The following MUC6 variants were observed in gnomAD, a reference collection of about 807,000 sequenced individuals.
MUC6 encodes mucin 6, oligomeric mucus/gel-forming (gene/pseudogene).
MUC6 carries 188 observed loss-of-function variants against 201.5 expected under a neutral mutation model. The observed-to-expected ratio is 0.93, with a 90% confidence interval of 0.83 to 1.05. The LOEUF (loss-of-function observed/expected upper bound fraction) is 1.05, where lower values mean the gene tolerates loss of function less well. Among genes scored for constraint, MUC6 ranks in the 50% least tolerant of loss-of-function variants. The probability of loss-of-function intolerance (pLI) is 0.00; values close to 1 mark genes in which losing one functional copy is unlikely to be tolerated. For synonymous variants in MUC6, 1,228 were observed against 1,389.4 expected (o/e 0.88, Z 2.58); for missense variants, 2,706 against 3,256.9 (o/e 0.83, Z 4.12).
intron 2 of MUC6, among the ~76,000 whole-genome samples, chr11:1,032,511 GTA>G (rs982624722): frequency 2.8e-4 from 43 of 151,630 alleles, no homozygotes; most frequent in African/African-American, 4.9e-4. Context: ...TTCGGGGTGT[GTA>G]TGTGTGTGTT....
intron 2 of MUC6, among the ~76,000 whole-genome samples, chr11:1,032,769 G>GGT (rs780268592): frequency 2.0e-5 from 3 of 150,136 alleles, no homozygotes; most frequent in Non-Finnish European, 3.0e-5. Context: ...TAGAGTGTTG[G>GGT]GTGTGTGTGT....
chr11:1,024,951 C>T lies in MUC6; in HGVS notation c.3118G>A (p.Val1040Met), dbSNP rs573979427. 8.1e-6 allele frequency: 13 copies of T among 1,613,064 alleles called. No individual in the cohort carries two copies. In the East Asian group the frequency reaches 8.9e-5, roughly 11 times the overall value. Residue 1040 changes from valine (V) to methionine (M), a missense_variant, in exon 24 of 33, where the codon GTG (valine) becomes ATG (methionine). By Grantham distance (21) the Val-to-Met change is conservative. Around this residue, in one of 10 missense-constraint regions of MUC6, gnomAD observed 1,850 missense variants for 1,958.3 expected, o/e 0.94. Coordinates refer to ENST00000421673, the MANE Select transcript of MUC6 (RefSeq NM_005961.3). ...CTGCAGGGGTCTGTCACGAAGCTCA[C>T]GTCCCCGCACAGCGGGCTCTCCTTC... ...SWKESPLCGDVSFVTDPCSLN... is the reference protein window; with the variant it reads ...SWKESPLCGDMSFVTDPCSLN...
intron 7 of MUC6, 113 bp downstream of exon 7, chr11:1,030,460 G>A (rs1258182316): frequency 1.2e-5 from 17 of 1,424,220 alleles, no homozygotes; most frequent in Non-Finnish European, 1.5e-5. Context: ...AGGATCTCCT[G>A]TCTCTCAGAC....
In MUC6 at chr11:1,029,298, C is replaced by T. The variant is rs779601317; in HGVS notation, c.1205G>A (p.Gly402Asp). ...PCPGHCSLEG[G>D]SFVTTFDARP... ...GGCGTCAAATGTGGTAACAAAGGAG[C>T]CACCTTCCAGGGAGCAGTGTCCGGG... The change falls in exon 10 of 33, where the codon GGC (glycine) becomes GAC (aspartate). Residue 402 changes from glycine (G) to aspartate (D), a missense_variant. Physicochemically the swap from Gly to Asp is moderately conservative, Grantham distance 94. Around this residue, in one of 10 missense-constraint regions of MUC6, gnomAD observed 1,850 missense variants for 1,958.3 expected, o/e 0.94. Transcript: ENST00000421673. The T allele has an allele frequency of 5.6e-6, 9 of 1,606,366 alleles. No homozygotes were observed. The highest frequency in any genetic ancestry group is 7.6e-6 in the Non-Finnish European group (9 of 1,177,416).
intron 8 of MUC6, 64 bp from the exon 9 acceptor site, chr11:1,029,679 G>A: frequency 6.7e-7 from 1 of 1,496,834 alleles, no homozygotes; most frequent in Non-Finnish European, 8.9e-7. Flanking sequence ...CCCCTCCCTG[G>A]CTCCAGGGAG....
intron 1 of MUC6, among the ~76,000 whole-genome samples, chr11:1,035,666 G>A (rs999956026): frequency 1.3e-5 from 2 of 152,038 alleles, no homozygotes; most frequent in Non-Finnish European, 2.9e-5. Context: ...GGCTTGGGTC[G>A]CCCTACAGTG....
chr11:1,027,421 TGGTGGCACTC>T lies in MUC6; in HGVS notation c.2068_2077del (p.Glu690ThrfsTer17), dbSNP rs1453350833. The T allele has an allele frequency of 6.2e-7, 1 of 1,612,760 alleles. No homozygotes were observed. Among genetic ancestry groups the T allele is most frequent in the Admixed American group, 1.7e-5 (1 of 60,026 alleles). On this transcript the variant is annotated frameshift_variant, in exon 17 of 33. Coordinates refer to ENST00000421673, the MANE Select transcript of MUC6 (RefSeq NM_005961.3). LOFTEE classifies it high-confidence loss of function. ...GCAACCGTCCACGGGCACGGCGCTG[TGGTGGCACTC>T]GGTGGCACGGTCCGACAGCGACAGG...
chr11:1,018,143 C>A lies in MUC6; in HGVS notation c.4658G>T (p.Arg1553Leu). ...TTITPNPTSTRTRTPVAHTNS... is the reference protein window; with the variant it reads ...TTITPNPTSTLTRTPVAHTNS... ...GGTGTGGGCCACAGGGGTTCTGGTG[C>A]GTGTACTAGTGGGGTTGGGAGTAAT... Residue 1553 changes from arginine to leucine, a missense_variant, in exon 31 of 33, where the codon CGC becomes CTC. Physicochemically the swap from Arg to Leu is moderately radical, Grantham distance 102. This residue lies in a region of MUC6 where 128 missense variants were observed against 206.5 expected (regional missense o/e 0.62). Transcript: ENST00000421673. 6.5e-7 allele frequency: 1 copy of A among 1,536,754 alleles called. No homozygotes were observed. The highest frequency in any genetic ancestry group is 1.2e-5 in the South Asian group (1 of 85,514).
Position 1,029,757 on chromosome 11 carries a change from G to A in MUC6, c.1016-142C>T, listed in dbSNP as rs1034925330. 4 of 1,201,168 alleles carry A rather than the reference G, an allele frequency of 3.3e-6. No individual in the cohort carries two copies. The African/African-American group carries it at 6.4e-5, about 19-fold the overall frequency. 74.4% of individuals were successfully genotyped at this position (1,201,168 alleles called of 1,614,324 possible). On this transcript the variant is annotated intron_variant, in intron 8 of 32. Transcript: ENST00000421673. ...CTGGCTCCAGGGAGACGCCCCTCCA[G>A]CCTGGCTCCAGGGAGACGCCCCCTC...
At chr11:1,030,550 C>T in intron 7 of MUC6, 23 bp downstream of exon 7, 1 of 1,475,350 alleles carries the variant, frequency 6.8e-7, no homozygotes, top group Non-Finnish European at 9.0e-7. Flanking sequence ...TCCTGCCCCT[C>T]CCTCTCCCTT....
chr11:1,021,260 G>C lies in MUC6; in HGVS notation c.3544C>G (p.Gln1182Glu). ...SNIEGCYNCSQDEYFDHEEGV... is the reference protein window; with the variant it reads ...SNIEGCYNCSEDEYFDHEEGV... ...TCCTCGTGGTCGAAGTACTCATCCT[G>C]GGAGCAGTTGTAGCAGCCTAGGGTG... Residue 1182 changes from glutamine to glutamate, a missense_variant, in exon 27 of 33, where the codon CAG becomes GAG. Coordinates refer to ENST00000421673, the MANE Select transcript of MUC6 (RefSeq NM_005961.3). 3 of 1,586,940 alleles carry C rather than the reference G, an allele frequency of 1.9e-6. No individual in the cohort carries two copies. The South Asian group carries it at 3.4e-5, about 18-fold the overall frequency.
intron 27 of MUC6, 126 bp from the exon 28 acceptor site, chr11:1,020,860 C>T: frequency 4.0e-6 from 5 of 1,243,176 alleles, no homozygotes; most frequent in Non-Finnish European, 4.5e-6. Flanking sequence ...ACTGGAGGGG[C>T]TGGGAGCCCA....
At chr11:1,029,468 C>A (rs748525718) in intron 9 of MUC6, 27 bp downstream of exon 9, 1 of 1,610,492 alleles carries the variant, frequency 6.2e-7, no homozygotes, top group African/African-American at 1.3e-5. Flanking sequence ...GCCGGCCGGC[C>A]AGAGCCCCCT....
intron 29 of MUC6, chr11:1,019,863 G>T: frequency 1.4e-6 from 1 of 703,568 alleles, no homozygotes; most frequent in Non-Finnish European, 2.5e-6. Context: ...GGTTTCTAGT[G>T]ACAGCAGCCA....
chr11:1,018,384 A>G lies in MUC6; in HGVS notation c.4417T>C (p.Ser1473Pro), dbSNP rs1177300231. Residue 1473 changes from serine (S) to proline (P), a missense_variant, in exon 31 of 33, where the codon TCT becomes CCT. Around this residue, in one of 10 missense-constraint regions of MUC6, gnomAD observed 128 missense variants for 206.5 expected, o/e 0.62. Coordinates refer to ENST00000421673, the MANE Select transcript of MUC6 (RefSeq NM_005961.3). ...ITPTHAQMAT[S>P]ASNHSAPTGT... is the part of the protein sequence containing the mutation. ...GTTGGCGCTGAGTGGTTGGAGGCAG[A>G]TGTGGCCATCTGTGCGTGGGTAGGG... 1 of 1,613,814 alleles carries G rather than the reference A, an allele frequency of 6.2e-7. No individual in the cohort carries two copies. The highest frequency in any genetic ancestry group is 8.5e-7 in the Non-Finnish European group (1 of 1,179,776).
Position 1,019,356 on chromosome 11 carries a change from T to G in MUC6, c.3949A>C (p.Thr1317Pro). The G allele has an allele frequency of 6.2e-7, 1 of 1,613,832 alleles. No homozygotes were observed. The highest frequency in any genetic ancestry group is 8.5e-7 in the Non-Finnish European group (1 of 1,179,752). ...GTTGTGGACTGAGCTGTGGACGTCG[T>G]GGCTGGGCTGGCGGTCGACGCCGTG... Reference protein sequence around the residue: ...RATASTASPATTSTAQSTTRT... With the variant: ...RATASTASPAPTSTAQSTTRT... Residue 1317 changes from threonine (T) to proline (P), a missense_variant, in exon 30 of 33, where the codon ACG (threonine) becomes CCG (proline). Coordinates refer to ENST00000421673, the MANE Select transcript of MUC6 (RefSeq NM_005961.3).
chr11:1,027,943 C>T (rs1443131946), intron 15 of MUC6, 22 bp downstream of exon 15: 2 of 1,564,290 alleles, frequency 1.3e-6, no homozygotes, highest in Admixed American at 3.8e-5. Context: ...GCAGCCCTCC[C>T]AAGACGCCCT....
At position 1,020,695 on chromosome 11, in the gene MUC6, A is replaced by AGCTGCGGCGTGGTGGGTG. The variant is rs750579282; in HGVS notation, c.3611_3628dup (p.Pro1204_Gln1209dup). 59 of 1,613,396 alleles carry AGCTGCGGCGTGGTGGGTG rather than the reference A, an allele frequency of 3.7e-5. No homozygotes were observed. Among genetic ancestry groups the AGCTGCGGCGTGGTGGGTG allele is most frequent in the Middle Eastern group, 1.6e-4 (1 of 6,082 alleles). The stretch of plus-strand genomic sequence containing the variant: ...GTGCGTGCAATTACCTGTGGTGGGC[A>AGCTGCGGCGTGGTGGGTG]GCTGCGGCGTGGTGGGTGGCTGCGG... On this transcript the variant is annotated inframe_insertion, in exon 28 of 33. Transcript: ENST00000421673.
Position 1,021,205 on chromosome 11 carries a change from C to G in MUC6, c.3589+10G>C. The G allele has an allele frequency of 6.4e-7, 1 of 1,572,136 alleles. No homozygotes were observed. Among genetic ancestry groups the G allele is most frequent in the African/African-American group, 1.4e-5 (1 of 72,530 alleles). Reference sequence around the variant, plus strand: ...GGGGCAGGGTTCTCAGGGCAGCCGACTGGACTTACTGCAGGGCACGCACAC... The same window carrying G: ...GGGGCAGGGTTCTCAGGGCAGCCGAGTGGACTTACTGCAGGGCACGCACAC... On this transcript the variant is annotated intron_variant, in intron 27 of 32. Coordinates refer to ENST00000421673, the MANE Select transcript of MUC6 (RefSeq NM_005961.3).
Sources: gnomAD v4.1 joint callset for allele counts (sites outside exome capture counted in the v4.1 genomes callset) on GRCh38, gnomAD v4.1.1 for gene constraint, gnomAD v4.1.1 regional missense constraint, MANE v1.5 for transcripts, NCBI Gene and HGNC (gene_info 2026-07-23, HGNC 2026-07-21) for gene names.